The following KRT19 variants were observed in gnomAD, a reference collection of about 807,000 sequenced individuals.
KRT19 encodes the protein keratin 19, also known as keratin, type I cytoskeletal 19.
Under a neutral mutation model 34.6 loss-of-function variants are expected in KRT19, and 21 were observed. The ratio of observed to expected loss-of-function variants is 0.61; its 90% CI spans 0.43 to 0.87. The LOEUF (loss-of-function observed/expected upper bound fraction) is 0.87, where lower values mean the gene tolerates loss of function less well. Among genes scored for constraint, KRT19 ranks in the 40% least tolerant of loss-of-function variants. The pLI is 0.00. For synonymous variants in KRT19, 240 were observed against 245.8 expected, an observed-to-expected ratio of 0.98 and a Z score of 0.22; for missense variants, 514 against 545.7, an observed-to-expected ratio of 0.94 and a Z score of 0.58.
Position 41,525,282 on chromosome 17 carries a change from C to T in KRT19, c.421-9G>A. 6.2e-7 allele frequency: 1 copy of T among 1,605,646 alleles called. No individual in the cohort carries two copies. Among genetic ancestry groups the T allele is most frequent in the Non-Finnish European group, 8.5e-7 (1 of 1,172,262 alleles). On this transcript the variant is annotated splice_polypyrimidine_tract_variant and intron_variant, in intron 1 of 5. Coordinates refer to ENST00000361566, the MANE Select transcript of KRT19 (RefSeq NM_002276.5). ...ATGGTGGCACCAAGAATCTGGAAGG[C>T]AGAGGCAGAGGTTGGTACCAGTTCA...
chr17:41,524,776 G>C, intron 3 of KRT19, 67 bp downstream of exon 3: 1 of 1,562,172 alleles, frequency 6.4e-7, no homozygotes, highest in Non-Finnish European at 8.8e-7. Flanking sequence ...AGAGAATACA[G>C]AATAAAAGAG....
At chr17:41,525,729 T>C in intron 1 of KRT19, 1 of 183,564 alleles carries the variant, frequency 5.4e-6, no homozygotes, top group Non-Finnish European at 1.1e-5. Flanking sequence ...TTCTGGAACC[T>C]CACTGCTAGG....
At chr17:41,526,449 A>AT (rs35664318) in intron 1 of KRT19, among the ~76,000 whole-genome samples, 2,440 of 146,398 alleles carry the variant, frequency 0.017, 37 homozygotes, top group African/African-American at 0.036. Flanking sequence ...TATTGTCGCA[A>AT]TTTTTTTTTT....
rs199544594 is a variant in KRT19 at position 41,523,844 on chromosome 17, C to T, written c.1102G>A (p.Asp368Asn). 1.2e-6 allele frequency: 2 copies of T among 1,614,022 alleles called. No individual in the cohort carries two copies. Among genetic ancestry groups the T allele is most frequent in the Non-Finnish European group, 1.7e-6 (2 of 1,180,026 alleles). The change falls in exon 6 of 6, where the codon GAC becomes AAC. Residue 368 changes from aspartate (D) to asparagine (N), a missense_variant. Transcript: ENST00000361566. Reference protein sequence around the residue: ...RQNQEYQRLMDIKSRLEQEIA... With the variant: ...RQNQEYQRLMNIKSRLEQEIA... ...TCCTGCTCCAGCCGCGACTTGATGT[C>T]CATGAGCCGCTGGTACTCCTGATTC...
intron 1 of KRT19, among the ~76,000 whole-genome samples, chr17:41,526,085 C>A (rs1289950942): frequency 6.6e-6 from 1 of 152,072 alleles, no homozygotes; most frequent in African/African-American, 2.4e-5. Flanking sequence ...CATTCTCCTG[C>A]CTCAGCCTCC....
In KRT19 at chr17:41,528,069, G is replaced by A. The variant is rs4602; in HGVS notation, c.179C>T (p.Ala60Val). ...ARFVSSSSSG[A>V]YGGGYGGVLT... ...GACGCCGCCGTAGCCGCCGCCGTAG[G>A]CCCCCGAGGAGGACGAGGACACAAA... is the stretch of plus-strand genomic sequence containing the variant. The change falls in exon 1 of 6, where the codon GCC (alanine) becomes GTC (valine). Residue 60 changes from alanine (A) to valine (V), a missense_variant. Physicochemically the swap from Ala to Val is moderately conservative, Grantham distance 64. Transcript: ENST00000361566. The A allele has an allele frequency of 6.8e-6, 11 of 1,611,868 alleles. No homozygotes were observed. The highest frequency in any genetic ancestry group is 3.3e-5 in the Admixed American group (2 of 59,950).
Position 41,527,853 on chromosome 17 carries a change from G to C in KRT19, c.395C>G (p.Thr132Arg), listed in dbSNP as rs944649116. 6 of 1,610,666 alleles carry C rather than the reference G, an allele frequency of 3.7e-6. No individual in the cohort carries two copies. In the Admixed American group the frequency reaches 5.0e-5, roughly 13 times the overall value. Reference sequence around the variant, plus strand: ...CTTGTCCCGCAGGTCCTGGATGGTCGTGTAGTAGTGGCTGTAGTCGCGGGA... The same window carrying C: ...CTTGTCCCGCAGGTCCTGGATGGTCCTGTAGTAGTGGCTGTAGTCGCGGGA... ...GPSRDYSHYY[T>R]TIQDLRDKIL... Residue 132 changes from threonine (T) to arginine (R), a missense_variant, in exon 1 of 6, where the codon ACG (threonine) becomes AGG (arginine). Physicochemically the swap from Thr to Arg is moderately conservative, Grantham distance 71. Transcript: ENST00000361566.
At position 41,528,031 on chromosome 17, in the gene KRT19, C is replaced by A; in HGVS notation, c.217G>T (p.Asp73Tyr). 4 of 1,612,508 alleles carry A rather than the reference C, an allele frequency of 2.5e-6. No individual in the cohort carries two copies. The African/African-American group carries it at 5.3e-5, about 21-fold the overall frequency. The change falls in exon 1 of 6, where the codon GAC becomes TAC. Residue 73 changes from aspartate (D) to tyrosine (Y), a missense_variant. Transcript: ENST00000361566. ...GGYGGVLTAS[D>Y]GLLAGNEKLT... ...TTCTCGTTGCCCGCCAGCAGCCCGT[C>A]GGACGCGGTCAGGACGCCGCCGTAG...
chr17:41,523,744 C>T lies in KRT19; in HGVS notation c.1202G>A (p.Ter401=), dbSNP rs368198387. The T allele has an allele frequency of 4.1e-4, 654 of 1,613,612 alleles. No individual in the cohort carries two copies. The highest frequency in any genetic ancestry group is 4.3e-4 in the Non-Finnish European group (503 of 1,179,728). ...YNNLSASKVL[*] Reference sequence around the variant, plus strand: ...GCAGAAGCCCCAGAGCCTGCTGCCTCAGAGGACCTTGGAGGCAGACAAATT... The same window carrying T: ...GCAGAAGCCCCAGAGCCTGCTGCCTTAGAGGACCTTGGAGGCAGACAAATT... Residue 401 remains the stop codon, a stop_retained_variant, in exon 6 of 6, where the codon TGA becomes TAA. Transcript: ENST00000361566.
rs968705937 is a variant in KRT19, at chr17:41,523,987, A to G, written c.959T>C (p.Leu320Ser). 1.2e-6 allele frequency: 2 copies of G among 1,610,558 alleles called. No individual in the cohort carries two copies. Among genetic ancestry groups the G allele is most frequent in the African/African-American group, 2.7e-5 (2 of 75,006 alleles). The change falls in exon 6 of 6, where the codon TTG becomes TCG. Residue 320 changes from leucine to serine, a missense_variant. By Grantham distance (145) the Leu-to-Ser change is moderately radical. Coordinates refer to ENST00000361566, the MANE Select transcript of KRT19 (RefSeq NM_002276.5). ...CTCCGTTTCTGCCAGTGTGTCTTCC[A>G]AGGCAGCTTTCTGAGGATAGGGAGA... ...LQSQLSMKAA[L>S]EDTLAETEAR...
chr17:41,525,902 C>A (rs936833008), intron 1 of KRT19, among the ~76,000 whole-genome samples: 1 of 152,180 alleles, frequency 6.6e-6, no homozygotes, highest in Non-Finnish European at 1.5e-5. Context: ...AAGAGCAGGT[C>A]ATCACTCATT....
chr17:41,523,806 G>A lies in KRT19; in HGVS notation c.1140C>T (p.Tyr380=). The change falls in exon 6 of 6, where the codon TAC becomes TAT. Residue 380 remains tyrosine (Y), a synonymous_variant. Transcript: ENST00000361566. ...CTTCCTGTCCCTCGAGCAGGCTGCG[G>A]TAGGTGGCAATCTCCTGCTCCAGCC... ...KSRLEQEIAT[Y]RSLLEGQEDH... 6.2e-7 allele frequency: 1 copy of A among 1,613,944 alleles called. No homozygotes were observed. The highest frequency in any genetic ancestry group is 8.5e-7 in the Non-Finnish European group (1 of 1,179,972).
In KRT19 at chr17:41,524,381, G is replaced by A. The variant is rs752847530; in HGVS notation, c.820C>T (p.Arg274Trp). 56 of 1,613,936 alleles carry A rather than the reference G, an allele frequency of 3.5e-5. No individual in the cohort carries two copies. Among genetic ancestry groups the A allele is most frequent in the East Asian group, 4.5e-5 (2 of 44,884 alleles). The stretch of plus-strand genomic sequence containing the variant: ...GGTGCCTGCTTCCCTCTACCTACCC[G>A]GCTGGTGAACCAGGCTTCAGCATCC... ...RKDAEAWFTS[R>W]TEELNREVAG... is the part of the protein sequence containing the mutation. The change falls in exon 4 of 6, where the codon CGG (arginine) becomes TGG (tryptophan). Residue 274 changes from arginine (R) to tryptophan (W), a missense_variant and splice_region_variant. Arg to Trp is a moderately radical substitution (Grantham distance 101, BLOSUM62 -3). Transcript: ENST00000361566.
chr17:41,527,939 C>G lies in KRT19; in HGVS notation c.309G>C (p.Ala103=), dbSNP rs1169072442. 2.5e-6 allele frequency: 4 copies of G among 1,613,710 alleles called. No homozygotes were observed. Among genetic ancestry groups the G allele is most frequent in the Non-Finnish European group, 2.5e-6 (3 of 1,179,898 alleles). Reference sequence around the variant, plus strand: ...TCTTCACCTCTAGCTCGCCGTTGGCCGCCTCCAGGGCGCGCACCTTGTCCA... The same window carrying G: ...TCTTCACCTCTAGCTCGCCGTTGGCGGCCTCCAGGGCGCGCACCTTGTCCA... The part of the protein sequence containing the change: ...SYLDKVRALE[A]ANGELEVKIR... The change falls in exon 1 of 6, where the codon GCG becomes GCC. Residue 103 remains alanine, a synonymous_variant. Transcript: ENST00000361566.
chr17:41,524,061 A>G, intron 5 of KRT19, 64 bp from the exon 6 acceptor site: 1 of 1,599,280 alleles, frequency 6.3e-7, no homozygotes, highest in Non-Finnish European at 8.6e-7. Context: ...GCATGGGCAC[A>G]GCCACCGGCC....
chr17:41,528,046 C>T lies in KRT19; in HGVS notation c.202G>A (p.Val68Ile). The T allele has an allele frequency of 6.2e-7, 1 of 1,610,866 alleles. No individual in the cohort carries two copies. Among genetic ancestry groups the T allele is most frequent in the Non-Finnish European group, 8.5e-7 (1 of 1,179,432 alleles). ...AGCAGCCCGTCGGACGCGGTCAGGA[C>T]GCCGCCGTAGCCGCCGCCGTAGGCC... Reference protein sequence around the residue: ...SGAYGGGYGGVLTASDGLLAG... With the variant: ...SGAYGGGYGGILTASDGLLAG... Residue 68 changes from valine to isoleucine, a missense_variant, in exon 1 of 6, where the codon GTC becomes ATC. Physicochemically the swap from Val to Ile is conservative, Grantham distance 29. Transcript: ENST00000361566.
chr17:41,526,327 TTC>T (rs1416473454), intron 1 of KRT19, among the ~76,000 whole-genome samples: 4 of 152,134 alleles, frequency 2.6e-5, no homozygotes, highest in African/African-American at 9.7e-5. Flanking sequence ...CAGAGGGGAT[TTC>T]TCTTAGTATG....
chr17:41,524,619 A>C (rs1180897929), intron 3 of KRT19, 79 bp from the exon 4 acceptor site: 4 of 1,503,702 alleles, frequency 2.7e-6, no homozygotes, highest in African/African-American at 2.8e-5. Flanking sequence ...CCCACCCTTC[A>C]GGCTAAAGGG....
At chr17:41,525,623 C>G (rs75742748) in intron 1 of KRT19, 11 of 258,816 alleles carry the variant, frequency 4.3e-5, no homozygotes, top group South Asian at 3.6e-4. Flanking sequence ...ACCTGCCCCC[C>G]CCACTATGCG....
Sources: allele counts gnomAD v4.1 joint callset (sites outside exome capture counted in the v4.1 genomes callset), GRCh38; gene constraint gnomAD v4.1.1; transcripts MANE v1.5; gene names NCBI Gene and HGNC (gene_info 2026-07-23, HGNC 2026-07-21).